The following ACAT2 variants were observed in gnomAD, a reference collection of about 807,000 sequenced individuals.
ACAT2 encodes acetyl-CoA acetyltransferase, cytosolic.
ACAT2 carries 26 observed loss-of-function variants against 37.1 expected under a neutral mutation model. The ratio of observed to expected loss-of-function variants is 0.70; its 90% CI spans 0.51 to 0.97. The LOEUF is 0.97. ACAT2 is among the 50% of genes least tolerant of loss of function. The pLI, the probability that ACAT2 is intolerant of heterozygous loss-of-function variation, is 0.00. For synonymous variants in ACAT2, 156 were observed against 163.6 expected, an observed-to-expected ratio of 0.95 and a Z score of 0.35; for missense variants, 468 against 489.0, an observed-to-expected ratio of 0.96 and a Z score of 0.40.
intron 4 of ACAT2, among the ~76,000 whole-genome samples, chr6:159,769,032 C>G (rs1442371959): frequency 6.6e-6 from 1 of 152,124 alleles, no homozygotes; most frequent in Middle Eastern, 3.2e-3. Context: ...GGCAAAGCAA[C>G]TGGGAAATCA....
At chr6:159,770,196 T>A (rs1780314103) in intron 4 of ACAT2, among the ~76,000 whole-genome samples, 1 of 152,172 alleles carries the variant, frequency 6.6e-6, no homozygotes, top group Admixed American at 6.5e-5. Flanking sequence ...TCTCTAAAGA[T>A]AATAAAATCT....
chr6:159,778,236 GTC>G lies in ACAT2; in HGVS notation c.983_984del (p.Ser328CysfsTer5), dbSNP rs1294485658. 19 of 1,612,240 alleles carry G rather than the reference GTC, an allele frequency of 1.2e-5. No homozygotes were observed. The highest frequency in any genetic ancestry group is 1.6e-5 in the Non-Finnish European group (19 of 1,179,650). ...IFEINEAFAA[V>X]SAAIVKELGL... is the part of the protein sequence containing the mutation. ...TGAAATCAATGAAGCCTTTGCAGCT[GTC>G]TCTGCTGCAATAGTTAAAGAACTTG... On this transcript the variant is annotated frameshift_variant, in exon 8 of 9. Transcript: ENST00000367048. LOFTEE classifies it high-confidence loss of function.
At chr6:159,766,398 C>CA (rs1197677687) in intron 2 of ACAT2, among the ~76,000 whole-genome samples, 2 of 151,498 alleles carry the variant, frequency 1.3e-5, no homozygotes, top group East Asian at 1.9e-4. Flanking sequence ...TTTAAGCACC[C>CA]CCCCGCACTT....
In ACAT2 at chr6:159,768,613, C is replaced by T. The variant is rs376135335; in HGVS notation, c.475C>T (p.His159Tyr). ...TCTTACAGATGCATTTCACAACTGT[C>T]ATATGGGTATTACAGGTAAGGCAGA... is the stretch of plus-strand genomic sequence containing the variant. ...DGLTDAFHNC[H>Y]MGITAENVAK... Residue 159 changes from histidine to tyrosine, a missense_variant, in exon 4 of 9, where the codon CAT becomes TAT. By Grantham distance (83) the His-to-Tyr change is moderately conservative. Transcript: ENST00000367048. 2.1e-5 allele frequency: 34 copies of T among 1,606,352 alleles called. No individual in the cohort carries two copies. The highest frequency in any genetic ancestry group is 2.7e-5 in the Non-Finnish European group (32 of 1,173,158).
Position 159,776,373 on chromosome 6 carries a change from G to A in ACAT2, c.757+101G>A. On this transcript the variant is annotated intron_variant, in intron 6 of 8. Transcript: ENST00000367048. ...TTATATACAAAAGTACTATTTTTTGGGACAGGGACTCACTCTGCCAGCCAG... is the reference window on the plus strand; with the variant it reads ...TTATATACAAAAGTACTATTTTTTGAGACAGGGACTCACTCTGCCAGCCAG... 4 of 1,374,442 alleles carry A rather than the reference G, an allele frequency of 2.9e-6. No homozygotes were observed. In the South Asian group the frequency reaches 6.0e-5, roughly 21 times the overall value. 85.1% of individuals were successfully genotyped at this position (1,374,442 alleles called of 1,614,324 possible).
At chr6:159,767,405 C>T (rs370106887) in intron 3 of ACAT2, among the ~76,000 whole-genome samples, 4 of 152,126 alleles carry the variant, frequency 2.6e-5, no homozygotes, top group African/African-American at 9.7e-5. Flanking sequence ...TGATTGGAAC[C>T]GAATATACTT....
At chr6:159,773,955 T>C (rs1449774259) in intron 4 of ACAT2, among the ~76,000 whole-genome samples, 1 of 152,230 alleles carries the variant, frequency 6.6e-6, no homozygotes, top group Non-Finnish European at 1.5e-5. Context: ...GGGAAGAAGA[T>C]ATTTGGATAA....
intron 2 of ACAT2, among the ~76,000 whole-genome samples, chr6:159,764,461 ACAGGGTCT>A (rs1158285146): frequency 6.6e-6 from 1 of 152,106 alleles, no homozygotes; most frequent in African/African-American, 2.4e-5. Flanking sequence ...ATTTAAAGAG[ACAGGGTCT>A]CACTCTGTTG....
chr6:159,763,053 GGTAAGTCTCA>G lies in ACAT2; in HGVS notation c.190+3_190+12del, dbSNP rs1303074515. Reference sequence around the variant, plus strand: ...CATCTTTGGACATGTCTTGGCAGCAGGTAAGTCTCAGTGATTCCAGGAGAAGTCAGGCTTA... The same window carrying G: ...CATCTTTGGACATGTCTTGGCAGCAGGTGATTCCAGGAGAAGTCAGGCTTA... On this transcript the variant is annotated splice_donor_variant and splice_donor_5th_base_variant and intron_variant, in intron 2 of 8. Transcript: ENST00000367048. LOFTEE classifies it high-confidence loss of function. 6.2e-7 allele frequency: 1 copy of G among 1,609,710 alleles called. No homozygotes were observed. Among genetic ancestry groups the G allele is most frequent in the Non-Finnish European group, 8.5e-7 (1 of 1,178,274 alleles).
intron 7 of ACAT2, among the ~76,000 whole-genome samples, chr6:159,777,899 G>A (rs779940644): frequency 6.6e-6 from 1 of 152,076 alleles, no homozygotes; most frequent in Non-Finnish European, 1.5e-5. Context: ...TGTTACATTA[G>A]CCTTAGGTAC....
chr6:159,778,762 G>A lies in ACAT2; in HGVS notation c.1127G>A (p.Ser376Asn), dbSNP rs3173126. Reference sequence around the variant, plus strand: ...CACACACTGGAGAGAATGGGCAGAAGTCGTGGTGTTGCAGCCCTGTGCATT... The same window carrying A: ...CACACACTGGAGAGAATGGGCAGAAATCGTGGTGTTGCAGCCCTGTGCATT... ...LLHTLERMGR[S>N]RGVAALCIGG... is the part of the protein sequence containing the mutation. The change falls in exon 9 of 9, where the codon AGT (serine) becomes AAT (asparagine). Residue 376 changes from serine to asparagine, a missense_variant. By Grantham distance (46) the Ser-to-Asn change is conservative. Transcript: ENST00000367048. 2 of 1,614,130 alleles carry A rather than the reference G, an allele frequency of 1.2e-6. No individual in the cohort carries two copies. Among genetic ancestry groups the A allele is most frequent in the Admixed American group, 1.7e-5 (1 of 60,010 alleles).
Position 159,778,669 on chromosome 6 carries a change from A to G in ACAT2, c.1034A>G (p.Glu345Gly), listed in dbSNP as rs1395505600. Residue 345 changes from glutamate to glycine, a missense_variant, in exon 9 of 9, where the codon GAA becomes GGA. By Grantham distance (98) the Glu-to-Gly change is moderately conservative. Transcript: ENST00000367048. ...LGLNPEKVNI[E>G]GGAIALGHPL... ...TTTCTCCCCCGTTAGGTCAATATTG[A>G]AGGAGGGGCTATAGCCTTGGGCCAC... 1.9e-6 allele frequency: 3 copies of G among 1,613,948 alleles called. No homozygotes were observed. The highest frequency in any genetic ancestry group is 3.3e-5 in the Admixed American group (2 of 59,994).
chr6:159,778,272 C>T lies in ACAT2; in HGVS notation c.1015C>T (p.Pro339Ser). 6.2e-7 allele frequency: 1 copy of T among 1,602,288 alleles called. No homozygotes were observed. Among genetic ancestry groups the T allele is most frequent in the Non-Finnish European group, 8.5e-7 (1 of 1,174,608 alleles). Residue 339 changes from proline to serine, a missense_variant, in exon 8 of 9, where the codon CCA becomes TCA. Transcript: ENST00000367048. ...AATAGTTAAAGAACTTGGATTAAAC[C>T]CAGAGAAGGTAAAGATGCACAAGTA... ...AAIVKELGLN[P>S]EKVNIEGGAI...
At chr6:159,765,491 G>A (rs144394336) in intron 2 of ACAT2, among the ~76,000 whole-genome samples, 149 of 151,574 alleles carry the variant, frequency 9.8e-4, no homozygotes, top group African/African-American at 3.2e-3. Context: ...GAGTGCAGCC[G>A]TACAATCTCG....
chr6:159,762,291 C>T, intron 1 of ACAT2, 149 bp downstream of exon 1: 1 of 1,242,410 alleles, frequency 8.0e-7, no homozygotes, highest in African/African-American at 1.5e-5. Flanking sequence ...TGGAACCCTG[C>T]GGCTCCCGCG....
At chr6:159,766,204 A>G (rs925749301) in intron 2 of ACAT2, among the ~76,000 whole-genome samples, 6 of 152,218 alleles carry the variant, frequency 3.9e-5, no homozygotes, top group Non-Finnish European at 8.8e-5. Flanking sequence ...CCATTTAAGC[A>G]TAGTGTAATG....
At chr6:159,769,460 A>C (rs2114979633) in intron 4 of ACAT2, among the ~76,000 whole-genome samples, 1 of 152,248 alleles carries the variant, frequency 6.6e-6, no homozygotes, top group South Asian at 2.1e-4. Flanking sequence ...ATTGAATGGT[A>C]CTCTTCCAGC....
At chr6:159,773,387 A>G (rs1780367346) in intron 4 of ACAT2, among the ~76,000 whole-genome samples, 1 of 152,208 alleles carries the variant, frequency 6.6e-6, no homozygotes, top group Non-Finnish European at 1.5e-5. Flanking sequence ...GATCTTCTAA[A>G]TACATTTATC....
intron 4 of ACAT2, 133 bp from the exon 5 acceptor site, chr6:159,775,037 G>C (rs1780391327): frequency 2.0e-6 from 2 of 996,618 alleles, no homozygotes; most frequent in Admixed American, 2.7e-5. Context: ...ACCCCACACA[G>C]AGCATTGCAC....
Sources: allele counts gnomAD v4.1 joint callset (sites outside exome capture counted in the v4.1 genomes callset), GRCh38; gene constraint gnomAD v4.1.1; transcripts MANE v1.5; gene names NCBI Gene and HGNC (gene_info 2026-07-23, HGNC 2026-07-21).